Variants in RINL observed in about 807,000 individuals in gnomAD.
The protein encoded by RINL is ras and Rab interactor-like protein.
In RINL, 39 loss-of-function variants were observed where a neutral mutation model predicts 58.1. That is an observed-to-expected ratio of 0.67 (90% CI 0.52 to 0.88). The LOEUF is 0.88. Among genes scored for constraint, RINL ranks in the 40% least tolerant of loss-of-function variants. The pLI is 0.00. For synonymous variants in RINL, 286 were observed against 323.1 expected, an observed-to-expected ratio of 0.89 and a Z score of 1.23; for missense variants, 711 against 749.2, an observed-to-expected ratio of 0.95 and a Z score of 0.60.
At chr19:38,873,843 G>T in intron 4 of RINL, 43 bp downstream of exon 4, 1 of 1,227,398 alleles carries the variant, frequency 8.1e-7, no homozygotes, top group Non-Finnish European at 1.2e-6. Flanking sequence ...AGTTCTTAGT[G>T]ATCAATTGAC....
chr19:38,871,368 C>A, intron 6 of RINL, 141 bp from the exon 7 acceptor site: 2 of 891,426 alleles, frequency 2.2e-6, no homozygotes, highest in Non-Finnish European at 3.4e-6. Context: ...CAGTCAGACC[C>A]AGGAGTCCAG....
chr19:38,870,100 C>T lies in RINL; in HGVS notation c.1185G>A (p.Pro395=), dbSNP rs1005643897. The part of the protein sequence containing the change: ...AGAGPPGAQG[P]GPEGQSPAPA... ...GGGCGGGGCTCTGCCCTTCCGGTCC[C>T]GGCCCCTGTGCCCCCGGAGGCCCCG... The change falls in exon 9 of 12, where the codon CCG becomes CCA. Residue 395 remains proline, a synonymous_variant. Transcript: ENST00000591812. The surrounding 1 kb of genome is among the most constrained non-coding windows in gnomAD (Gnocchi z 5.8). 2.1e-6 allele frequency: 3 copies of T among 1,462,008 alleles called. No homozygotes were observed. Among genetic ancestry groups the T allele is most frequent in the African/African-American group, 1.5e-5 (1 of 67,776 alleles). 90.6% of individuals were successfully genotyped at this position (1,462,008 alleles called of 1,614,324 possible). A position where few individuals can be genotyped will look rare whatever the true frequency, so the allele number is the denominator to read the frequency against.
At position 38,869,666 on chromosome 19, in the gene RINL, C is replaced by G. The variant is rs1463117146; in HGVS notation, c.1381G>C (p.Glu461Gln). Reference sequence around the variant, plus strand: ...ATGTCCGGGCTCCAGATGAGTTCCTCGGTCAGCGCCGGCAGGAAGGCGTCG... The same window carrying G: ...ATGTCCGGGCTCCAGATGAGTTCCTGGGTCAGCGCCGGCAGGAAGGCGTCG... ...GADAFLPALT[E>Q]ELIWSPDIGD... Residue 461 changes from glutamate to glutamine, a missense_variant, in exon 10 of 12, where the codon GAG becomes CAG. Glu to Gln is a conservative substitution (Grantham distance 29). Coordinates refer to ENST00000591812, the MANE Select transcript of RINL (RefSeq NM_001195833.2). This position sits in a 1 kb window ranked among gnomAD's most constrained non-coding sequence, Gnocchi z 5.7. The G allele has an allele frequency of 1.1e-5, 17 of 1,613,758 alleles. No homozygotes were observed. The highest frequency in any genetic ancestry group is 1.4e-5 in the Non-Finnish European group (16 of 1,180,006).
chr19:38,869,898 T>C lies in RINL; in HGVS notation c.1342+45A>G. On this transcript the variant is annotated intron_variant, in intron 9 of 11. Transcript: ENST00000591812. The surrounding 1 kb of genome is among the most constrained non-coding windows in gnomAD (Gnocchi z 5.7). ...CTACCCTCTCCCGCCTGGCTCCAACTCTCAAGGCTCTCCCCACCACGCTAG... is the reference window on the plus strand; with the variant it reads ...CTACCCTCTCCCGCCTGGCTCCAACCCTCAAGGCTCTCCCCACCACGCTAG... 6.4e-7 allele frequency: 1 copy of C among 1,554,640 alleles called. No individual in the cohort carries two copies. Among genetic ancestry groups the C allele is most frequent in the Non-Finnish European group, 8.7e-7 (1 of 1,152,806 alleles).
At position 38,870,131 on chromosome 19, in the gene RINL, G is replaced by T. The variant is rs1486903180; in HGVS notation, c.1154C>A (p.Ala385Glu). ...CTGTGCCCCCGGAGGCCCCGCCCCC[G>T]CCCGCAGGGCTGTCTGTCGCCGCCG... Reference protein sequence around the residue: ...RLRRRQTALRAGAGPPGAQGP... With the variant: ...RLRRRQTALREGAGPPGAQGP... The change falls in exon 9 of 12, where the codon GCG (alanine) becomes GAG (glutamate). Residue 385 changes from alanine to glutamate, a missense_variant. By Grantham distance (107) the Ala-to-Glu change is moderately radical. Coordinates refer to ENST00000591812, the MANE Select transcript of RINL (RefSeq NM_001195833.2). This position sits in a 1 kb window ranked among gnomAD's most constrained non-coding sequence, Gnocchi z 5.8. The T allele has an allele frequency of 3.5e-6, 5 of 1,414,596 alleles. No homozygotes were observed. The highest frequency in any genetic ancestry group is 4.6e-6 in the Non-Finnish European group (5 of 1,094,780). The allele number at this position is 1,414,596 out of a possible 1,614,324, so 87.6% of individuals were successfully genotyped here.
At position 38,870,551 on chromosome 19, in the gene RINL, C is replaced by T. The variant is rs1008027735; in HGVS notation, c.1024+19G>A. ...GCACACTTGAACCCGTGGGGGCTCC[C>T]TTCCAGTCCTCCCATTACCTGGATC... On this transcript the variant is annotated intron_variant, in intron 8 of 11. Transcript: ENST00000591812. The surrounding 1 kb of genome is among the most constrained non-coding windows in gnomAD (Gnocchi z 5.8). 3 of 1,537,592 alleles carry T rather than the reference C, an allele frequency of 2.0e-6. No individual in the cohort carries two copies. Among genetic ancestry groups the T allele is most frequent in the Non-Finnish European group, 2.6e-6 (3 of 1,142,972 alleles).
chr19:38,875,854 C>T (rs1469114861), intron 3 of RINL, among the ~76,000 whole-genome samples: 1 of 152,164 alleles, frequency 6.6e-6, no homozygotes, highest in East Asian at 1.9e-4. Context: ...TGTCACTGCA[C>T]TGCTGATCTA....
At position 38,870,041 on chromosome 19, in the gene RINL, G is replaced by T; in HGVS notation, c.1244C>A (p.Ala415Glu). 6.4e-7 allele frequency: 1 copy of T among 1,552,534 alleles called. No individual in the cohort carries two copies. The highest frequency in any genetic ancestry group is 1.2e-5 in the South Asian group (1 of 84,910). Residue 415 changes from alanine to glutamate, a missense_variant, in exon 9 of 12, where the codon GCG (alanine) becomes GAG (glutamate). Coordinates refer to ENST00000591812, the MANE Select transcript of RINL (RefSeq NM_001195833.2). This position sits in a 1 kb window ranked among gnomAD's most constrained non-coding sequence, Gnocchi z 5.8. ...CGGGGCGCAGGCAGCGTGGAGGTGC[G>T]CAAGGCGCTCGTGGATGCGGCTCCG... ...ALRSRIHERLAHLHAACAPRR... is the reference protein window; with the variant it reads ...ALRSRIHERLEHLHAACAPRR...
intron 3 of RINL, among the ~76,000 whole-genome samples, chr19:38,875,906 G>C (rs1445415346): frequency 2.6e-5 from 4 of 152,102 alleles, no homozygotes; most frequent in African/African-American, 4.8e-5. Flanking sequence ...GAAGATAAAT[G>C]CCTATTTGTT....
rs981703719 is a variant in RINL at position 38,868,386 on chromosome 19, A to C, written c.*718T>G. 6.6e-6 allele frequency: 1 copy of C among 151,956 alleles called. No individual in the cohort carries two copies. The highest frequency in any genetic ancestry group is 2.4e-5 in the African/African-American group (1 of 41,388). The allele number at this position is 151,956 out of a possible 1,614,324, so 9.4% of individuals were successfully genotyped here. Reference sequence around the variant, plus strand: ...GGTGGCTCACGCCTATAATCTCAGCACTTTGGGAGGCCGACGTGGGCAGAT... The same window carrying C: ...GGTGGCTCACGCCTATAATCTCAGCCCTTTGGGAGGCCGACGTGGGCAGAT... On this transcript the variant is annotated 3_prime_UTR_variant, in exon 12 of 12. Transcript: ENST00000591812.
At chr19:38,876,568 A>C in intron 2 of RINL, 78 bp from the exon 3 acceptor site, 1 of 1,472,948 alleles carries the variant, frequency 6.8e-7, no homozygotes, top group Non-Finnish European at 9.2e-7. Context: ...AGGTACAGGA[A>C]GGGGCAGGCC....
chr19:38,869,970 C>A lies in RINL; in HGVS notation c.1315G>T (p.Ala439Ser), dbSNP rs747000564. ...LLLEVCRDVY[A>S]GLARGENQDP... ...TGGTTCTCGCCTCGAGCCAGGCCCG[C>A]ATAGACATCTCTGCACACCTCCAAG... The change falls in exon 9 of 12, where the codon GCG becomes TCG. Residue 439 changes from alanine (A) to serine (S), a missense_variant. Transcript: ENST00000591812. The surrounding 1 kb of genome is among the most constrained non-coding windows in gnomAD (Gnocchi z 5.7). 6.2e-7 allele frequency: 1 copy of A among 1,600,308 alleles called. No homozygotes were observed. The highest frequency in any genetic ancestry group is 1.1e-5 in the South Asian group (1 of 88,944).
chr19:38,872,055 A>G (rs780331657), intron 4 of RINL, among the ~76,000 whole-genome samples, 185 bp from the exon 5 acceptor site: 13 of 152,182 alleles, frequency 8.5e-5, no homozygotes, highest in Non-Finnish European at 1.6e-4. Flanking sequence ...ACAAGGATTC[A>G]TTCATTAGAC....
chr19:38,873,863 G>A, intron 4 of RINL, 23 bp downstream of exon 4: 1 of 1,402,268 alleles, frequency 7.1e-7, no homozygotes, highest in Non-Finnish European at 9.8e-7. Flanking sequence ...CTGTGGGCTG[G>A]AACCTCAGGG....
In RINL at chr19:38,870,156, G is replaced by A. The variant is rs1170279832; in HGVS notation, c.1129C>T (p.Arg377Trp). ...TLRAPELRRLRRRQTALRAGA... is the reference protein window; with the variant it reads ...TLRAPELRRLWRRQTALRAGA... ...GCCCGCAGGGCTGTCTGTCGCCGCC[G>A]CAGCCGCCGCAGCTCCGGTGCTCGG... is the stretch of plus-strand genomic sequence containing the variant. Residue 377 changes from arginine (R) to tryptophan (W), a missense_variant, in exon 9 of 12, where the codon CGG becomes TGG. Coordinates refer to ENST00000591812, the MANE Select transcript of RINL (RefSeq NM_001195833.2). The surrounding 1 kb of genome is among the most constrained non-coding windows in gnomAD (Gnocchi z 5.8). 1.4e-6 allele frequency: 2 copies of A among 1,406,926 alleles called. No homozygotes were observed. Among genetic ancestry groups the A allele is most frequent in the African/African-American group, 1.5e-5 (1 of 65,882 alleles). 87.2% of individuals were successfully genotyped at this position (1,406,926 alleles called of 1,614,324 possible).
intron 1 of RINL, among the ~76,000 whole-genome samples, chr19:38,877,750 G>C (rs1378594805): frequency 6.6e-6 from 1 of 152,114 alleles, no homozygotes; most frequent in Non-Finnish European, 1.5e-5. Flanking sequence ...AGCAGTCCCA[G>C]GAGCAGGAGA....
chr19:38,875,140 A>G (rs1880351956), intron 3 of RINL, among the ~76,000 whole-genome samples: 1 of 151,876 alleles, frequency 6.6e-6, no homozygotes, highest in African/African-American at 2.4e-5. Flanking sequence ...ATCTCAAAAA[A>G]TAATAATAAA....
chr19:38,877,374 A>G (rs73930223), intron 1 of RINL, among the ~76,000 whole-genome samples: 4,509 of 152,222 alleles, frequency 0.03, 228 homozygotes, highest in African/African-American at 0.1. Context: ...GGGGCTGTGT[A>G]AATGTGGGCC....
Position 38,876,354 on chromosome 19 carries a change from G to C in RINL, c.187C>G (p.Leu63Val). ...PELDTQDAEA[L>V]VGLWPLGSFL... The stretch of plus-strand genomic sequence containing the variant: ...ACCCCTAGTGGCCACAGCCCCACAA[G>C]GGCCTCCGCATCCTGGGTATCCAGC... The change falls in exon 3 of 12, where the codon CTT (leucine) becomes GTT (valine). Residue 63 changes from leucine to valine, a missense_variant. Leu to Val is a conservative substitution (Grantham distance 32). Transcript: ENST00000591812. 6.5e-7 allele frequency: 1 copy of C among 1,536,090 alleles called. No individual in the cohort carries two copies. The highest frequency in any genetic ancestry group is 8.7e-7 in the Non-Finnish European group (1 of 1,146,880).
Sources: gnomAD v4.1 joint callset for allele counts (sites outside exome capture counted in the v4.1 genomes callset) on GRCh38, gnomAD v4.1.1 for gene constraint, Gnocchi (gnomAD v3.1) non-coding constraint, MANE v1.5 for transcripts, NCBI Gene and HGNC (gene_info 2026-07-23, HGNC 2026-07-21) for gene names.